MCM5: variants seen among roughly 807,000 people sequenced by gnomAD.
MCM5 encodes minichromosome maintenance complex component 5.
Under a neutral mutation model 79.9 loss-of-function variants are expected in MCM5, and 46 were observed. That is an observed-to-expected ratio of 0.58 (90% CI 0.45 to 0.74). MCM5 has a LOEUF of 0.74. Ranked by LOEUF, MCM5 falls within the 30% of genes least tolerant of loss-of-function variation. The pLI is 0.00. For synonymous variants in MCM5, 404 were observed against 390.5 expected (o/e 1.03, Z -0.41); for missense variants, 883 against 1,017.0 (o/e 0.87, Z 1.79).
intron 12 of MCM5, 151 bp from the exon 13 acceptor site, chr22:35,417,593 C>T: frequency 1.5e-6 from 1 of 648,994 alleles, no homozygotes; most frequent in Non-Finnish European, 2.8e-6. Flanking sequence ...TGGTGCTGAG[C>T]AAACAGGCTG....
chr22:35,402,320 TTTTG>T (rs935456688), intron 2 of MCM5, among the ~76,000 whole-genome samples: 2 of 151,410 alleles, frequency 1.3e-5, no homozygotes, highest in African/African-American at 4.9e-5. Context: ...TTTTTTGTTG[TTTTG>T]TTTTTTGTTT....
intron 13 of MCM5, among the ~76,000 whole-genome samples, chr22:35,419,202 A>C (rs549203852): frequency 6.6e-6 from 1 of 152,236 alleles, no homozygotes; most frequent in East Asian, 1.9e-4. Context: ...TTCCCTCTGC[A>C]CTAAGTCCCC....
the MCM5 span, among the ~76,000 whole-genome samples, chr22:35,454,061 AAGAC>A: frequency 4.6e-5 from 7 of 152,042 alleles, no homozygotes; most frequent in South Asian, 2.1e-4. Flanking sequence ...ATAGAGATGA[AAGAC>A]AGACAGAGTT....
intron 4 of MCM5, among the ~76,000 whole-genome samples, chr22:35,404,394 G>A (rs1034069136): frequency 6.6e-6 from 1 of 152,136 alleles, no homozygotes; most frequent in African/African-American, 2.4e-5. Context: ...TTATTGATTT[G>A]CTAAAGAAGC....
chr22:35,410,497 C>T (rs984520859), intron 6 of MCM5: 94 of 479,372 alleles, frequency 2.0e-4, no homozygotes, highest in Middle Eastern at 6.0e-4. Flanking sequence ...GTCAGGCCAC[C>T]ACCTGCCTTT....
intron 15 of MCM5, 153 bp downstream of exon 15, chr22:35,421,613 C>G (rs774121975): frequency 1.4e-5 from 14 of 975,758 alleles, no homozygotes; most frequent in Non-Finnish European, 2.2e-5. Context: ...CCATAAGACC[C>G]CTCTCCTCCT....
chr22:35,446,377 G>A, the MCM5 span, among the ~76,000 whole-genome samples: 1 of 152,122 alleles, frequency 6.6e-6, no homozygotes, highest in Non-Finnish European at 1.5e-5. Flanking sequence ...GTGTCCAGGT[G>A]TAAATGAAAG....
At chr22:35,406,138 A>C (rs966512435) in intron 4 of MCM5, among the ~76,000 whole-genome samples, 3 of 152,220 alleles carry the variant, frequency 2.0e-5, no homozygotes, top group African/African-American at 7.2e-5. Context: ...GCAGGTTTTG[A>C]CAGAACTTGA....
downstream of MCM5, among the ~76,000 whole-genome samples, chr22:35,426,156 T>A (rs993911459): frequency 6.6e-6 from 1 of 152,112 alleles, no homozygotes; most frequent in African/African-American, 2.4e-5. Context: ...GGGGTCCGAC[T>A]GGCTTTTCCG....
the MCM5 span, among the ~76,000 whole-genome samples, chr22:35,448,176 A>G: frequency 2.0e-5 from 3 of 152,204 alleles, no homozygotes; most frequent in African/African-American, 7.2e-5. Flanking sequence ...TCTATGTCTC[A>G]GTTTCCTCTT....
chr22:35,430,884 T>C, the MCM5 span, among the ~76,000 whole-genome samples: 51 of 151,576 alleles, frequency 3.4e-4, no homozygotes, highest in African/African-American at 1.2e-3. Context: ...TGTCTCTAGC[T>C]TTGGTCTTTT....
chr22:35,435,129 C>T, the MCM5 span, among the ~76,000 whole-genome samples: 2 of 151,954 alleles, frequency 1.3e-5, no homozygotes, highest in African/African-American at 2.4e-5. Context: ...CCAGCCTGGG[C>T]GACAGAGCAA....
chr22:35,450,289 T>A, the MCM5 span, among the ~76,000 whole-genome samples: 102,725 of 151,774 alleles, frequency 0.68, 35,732 homozygotes, highest in Non-Finnish European at 0.76. Flanking sequence ...ACTTCTCTGA[T>A]CTTGAGTTTC....
chr22:35,426,232 T>C (rs1932778650), downstream of MCM5, among the ~76,000 whole-genome samples: 1 of 152,076 alleles, frequency 6.6e-6, no homozygotes, highest in African/African-American at 2.4e-5. Flanking sequence ...TCCTTCCAGA[T>C]CGGGGCAGCA....
intron 5 of MCM5, among the ~76,000 whole-genome samples, chr22:35,408,062 G>C (rs1000804065): frequency 6.6e-6 from 1 of 152,208 alleles, no homozygotes; most frequent in Non-Finnish European, 1.5e-5. Flanking sequence ...CTTGGGATTT[G>C]AGTGGGGCTT....
chr22:35,448,281 C>A, the MCM5 span, among the ~76,000 whole-genome samples: 1 of 152,058 alleles, frequency 6.6e-6, no homozygotes, highest in East Asian at 1.9e-4. Flanking sequence ...TACGGGAAGG[C>A]GAAGTTGGCT....
rs374735741 is a variant in MCM5 at position 35,404,804 on chromosome 22, C to T, written c.423+1262C>T. Among the ~76,000 whole-genome samples the T allele has an allele frequency of 4.6e-4, 70 of 152,276 alleles. 1 individual carries two copies. The highest frequency in any genetic ancestry group is 1.7e-3 in the African/African-American group (69 of 41,554). On this transcript the variant is annotated intron_variant, in intron 4 of 16. Transcript: ENST00000216122. ...TCAGCCGGAGGAGGGCATTGAGAAA[C>T]GGAGACAAGGTGGAGAGAGATTGTC... is the stretch of plus-strand genomic sequence containing the variant.
the MCM5 span, among the ~76,000 whole-genome samples, chr22:35,430,607 ATTC>A: frequency 6.6e-6 from 1 of 151,404 alleles, no homozygotes. Context: ...GTTTCAAGCA[ATTC>A]TTCTGCCTCA....
the MCM5 span, among the ~76,000 whole-genome samples, chr22:35,435,224 A>G: frequency 6.6e-6 from 1 of 152,170 alleles, no homozygotes; most frequent in Non-Finnish European, 1.5e-5. Flanking sequence ...AGGCCTCCCA[A>G]TTTGCTGTGC....
Sources: allele counts gnomAD v4.1 joint callset (sites outside exome capture counted in the v4.1 genomes callset), GRCh38; gene constraint gnomAD v4.1.1; transcripts MANE v1.5; gene names NCBI Gene and HGNC (gene_info 2026-07-23, HGNC 2026-07-21).